Variants in ATXN10 observed in about 807,000 individuals in gnomAD.
The protein encoded by ATXN10 is ataxin 10.
Under a neutral mutation model 52.9 loss-of-function variants are expected in ATXN10, and 28 were observed. The observed-to-expected ratio is 0.53, with a 90% CI of 0.39 to 0.73. ATXN10 has a LOEUF of 0.73. Among genes scored for constraint, ATXN10 ranks in the 30% least tolerant of loss-of-function variants. The pLI, the probability that ATXN10 is intolerant of heterozygous loss-of-function variation, is 0.00. For synonymous variants in ATXN10, 226 were observed against 221.5 expected, an observed-to-expected ratio of 1.02 and a Z score of -0.18; for missense variants, 565 against 577.0, an observed-to-expected ratio of 0.98 and a Z score of 0.21.
At position 45,678,299 on chromosome 22, in the gene ATXN10, A is replaced by G. The variant is rs1393893295; in HGVS notation, c.116+6120A>G. The G allele has an allele frequency of 6.6e-6, 1 of 152,192 alleles. No individual in the cohort carries two copies. Among genetic ancestry groups the G allele is most frequent in the Non-Finnish European group, 1.5e-5 (1 of 68,020 alleles). 9.4% of individuals were successfully genotyped at this position (152,192 alleles called of 1,614,324 possible). A position where few individuals can be genotyped will look rare whatever the true frequency, so the allele number is the denominator to read the frequency against. ...AATGTACCAAAATCCATTTAATTGT[A>G]CGCTTTAAGTGGGTGACTTTAGTGT... On this transcript the variant is annotated intron_variant, in intron 1 of 11. Transcript: ENST00000252934. This position sits in a 1 kb window ranked among gnomAD's most constrained non-coding sequence, Gnocchi z 4.1.
At position 45,787,526 on chromosome 22, in the gene ATXN10, C is replaced by T. The variant is rs780969054; in HGVS notation, c.1174-19433C>T. Among the ~76,000 whole-genome samples the T allele has an allele frequency of 3.3e-5, 5 of 152,118 alleles. No homozygotes were observed. Among genetic ancestry groups the T allele is most frequent in the Admixed American group, 6.5e-5 (1 of 15,272 alleles). Reference sequence around the variant, plus strand: ...CCTGGCATTTGCTTCTTTTGACCTTCGGTACTCAGTAGACTTACTGTATGG... The same window carrying T: ...CCTGGCATTTGCTTCTTTTGACCTTTGGTACTCAGTAGACTTACTGTATGG... On this transcript the variant is annotated intron_variant, in intron 9 of 11. Transcript: ENST00000252934. The surrounding 1 kb of genome is among the most constrained non-coding windows in gnomAD (Gnocchi z 4.2).
In ATXN10 at chr22:45,678,512, ACTC is replaced by A. The variant is rs1427434064; in HGVS notation, c.116+6338_116+6340del. On this transcript the variant is annotated intron_variant, in intron 1 of 11. Transcript: ENST00000252934. The surrounding 1 kb of genome is among the most constrained non-coding windows in gnomAD (Gnocchi z 4.1). Reference sequence around the variant, plus strand: ...TAGAGGGGATGTGTTTAAAATGTGAACTCCTCCCTCACTGCTATTTTTGTTTCA... The same window carrying A: ...TAGAGGGGATGTGTTTAAAATGTGAACTCCCTCACTGCTATTTTTGTTTCA... 6.6e-6 allele frequency: 1 copy of A among 152,002 alleles called. No homozygotes were observed. The highest frequency in any genetic ancestry group is 1.5e-5 in the Non-Finnish European group (1 of 67,988). 9.4% of individuals were successfully genotyped at this position (152,002 alleles called of 1,614,324 possible). A position where few individuals can be genotyped will look rare whatever the true frequency, so the allele number is the denominator to read the frequency against.
At chr22:45,809,660 G>C (rs893462305) in intron 10 of ATXN10, among the ~76,000 whole-genome samples, 1 of 152,088 alleles carries the variant, frequency 6.6e-6, no homozygotes, top group Non-Finnish European at 1.5e-5. Context: ...TGTAAATGAG[G>C]CTTGGCATCT....
chr22:45,714,378 G>A lies in ATXN10; in HGVS notation c.648-4035G>A, dbSNP rs369127637. 7.2e-5 allele frequency among the ~76,000 whole-genome samples: 11 copies of A among 151,882 alleles called. No homozygotes were observed. In the South Asian group the frequency reaches 1.7e-3, roughly 23 times the overall value. ...CTGTTTTTGTATTTTGACTTTGTTC[G>A]TGGTATTTTATTTTTTATTTTTTTG... is the stretch of plus-strand genomic sequence containing the variant. On this transcript the variant is annotated intron_variant, in intron 5 of 11. Coordinates refer to ENST00000252934, the MANE Select transcript of ATXN10 (RefSeq NM_013236.4).
chr22:45,842,948 A>G lies in ATXN10; in HGVS notation c.1238-43A>G, dbSNP rs765754898. 5 of 1,591,468 alleles carry G rather than the reference A, an allele frequency of 3.1e-6. No homozygotes were observed. The South Asian group carries it at 5.5e-5, about 18-fold the overall frequency. ...CTGATAATTCTTATGTGAAGTTATC[A>G]AACAGGAAAGTACGTTGTCACATTC... is the stretch of plus-strand genomic sequence containing the variant. On this transcript the variant is annotated intron_variant, in intron 10 of 11. Coordinates refer to ENST00000252934, the MANE Select transcript of ATXN10 (RefSeq NM_013236.4). The surrounding 1 kb of genome is among the most constrained non-coding windows in gnomAD (Gnocchi z 4.8).
At chr22:45,793,381 CCAT>C (rs1927585974) in intron 9 of ATXN10, 1 of 277,974 alleles carries the variant, frequency 3.6e-6, no homozygotes, top group African/African-American at 2.2e-5. Context: ...TTTCTGCTGT[CCAT>C]CATCCAAATA....
chr22:45,798,623 G>T (rs1927827533), intron 9 of ATXN10, among the ~76,000 whole-genome samples: 1 of 152,186 alleles, frequency 6.6e-6, no homozygotes, highest in South Asian at 2.1e-4. Context: ...AACAAGGCAA[G>T]AATTTCTGCT....
In ATXN10 at chr22:45,825,765, G is replaced by A. The variant is rs567122345; in HGVS notation, c.1238-17226G>A. 2.0e-5 allele frequency among the ~76,000 whole-genome samples: 3 copies of A among 152,290 alleles called. No individual in the cohort carries two copies. The highest frequency in any genetic ancestry group is 2.1e-4 in the South Asian group (1 of 4,830). ...AAGATGCTCAAGGAACTAAAGGAAC[G>A]TGTGGAAAATCAATAAAACAATATA... On this transcript the variant is annotated intron_variant, in intron 10 of 11. Transcript: ENST00000252934. The surrounding 1 kb of genome is among the most constrained non-coding windows in gnomAD (Gnocchi z 4.5).
At chr22:45,836,001 G>A (rs921567917) in intron 10 of ATXN10, among the ~76,000 whole-genome samples, 2 of 152,154 alleles carry the variant, frequency 1.3e-5, no homozygotes, top group African/African-American at 4.8e-5. Flanking sequence ...AACCTTTGAA[G>A]CACAGATGTT....
chr22:45,756,074 G>A (rs981421400), intron 9 of ATXN10, among the ~76,000 whole-genome samples: 2 of 152,132 alleles, frequency 1.3e-5, no homozygotes, highest in African/African-American at 4.8e-5. Flanking sequence ...TGACCACTGG[G>A]CATGCCATTA....
chr22:45,818,599 G>GCAGGGAT lies in ATXN10; in HGVS notation c.1237+11587_1237+11593dup, dbSNP rs1163815895. ...CCACCCTCGCTTTCAGCGGACCGGG[G>GCAGGGAT]CAGGGATCAGGGATCAACAGCCTGG... is the stretch of plus-strand genomic sequence containing the variant. On this transcript the variant is annotated intron_variant, in intron 10 of 11. Coordinates refer to ENST00000252934, the MANE Select transcript of ATXN10 (RefSeq NM_013236.4). This position sits in a 1 kb window ranked among gnomAD's most constrained non-coding sequence, Gnocchi z 4.6. 6.6e-6 allele frequency among the ~76,000 whole-genome samples: 1 copy of GCAGGGAT among 152,058 alleles called. No homozygotes were observed. The highest frequency in any genetic ancestry group is 1.9e-4 in the East Asian group (1 of 5,182).
chr22:45,774,925 G>A lies in ATXN10; in HGVS notation c.1174-32034G>A, dbSNP rs1264911539. Among the ~76,000 whole-genome samples, 1 of 152,162 alleles carries A rather than the reference G, an allele frequency of 6.6e-6. No individual in the cohort carries two copies. Among genetic ancestry groups the A allele is most frequent in the East Asian group, 1.9e-4 (1 of 5,186 alleles). Reference sequence around the variant, plus strand: ...AGTGCACGCCAGCCTGGGTGACAGAGTGAGACTCTGTCTCAAAACAAACAA... The same window carrying A: ...AGTGCACGCCAGCCTGGGTGACAGAATGAGACTCTGTCTCAAAACAAACAA... On this transcript the variant is annotated intron_variant, in intron 9 of 11. Transcript: ENST00000252934. This position sits in a 1 kb window ranked among gnomAD's most constrained non-coding sequence, Gnocchi z 6.2.
rs1927346343 is a variant in ATXN10, at chr22:45,787,102, A to G, written c.1174-19857A>G. Among the ~76,000 whole-genome samples, 1 of 152,236 alleles carries G rather than the reference A, an allele frequency of 6.6e-6. No individual in the cohort carries two copies. Among genetic ancestry groups the G allele is most frequent in the Non-Finnish European group, 1.5e-5 (1 of 68,044 alleles). On this transcript the variant is annotated intron_variant, in intron 9 of 11. Transcript: ENST00000252934. The surrounding 1 kb of genome is among the most constrained non-coding windows in gnomAD (Gnocchi z 4.2). ...CACATTTTCAAATAATTTTTATTGT[A>G]TGGAAAGATCTAAAATACTGTATAT... is the stretch of plus-strand genomic sequence containing the variant.
rs1189367233 is a variant in ATXN10, at chr22:45,818,033, A to G, written c.1237+11011A>G. 6.6e-6 allele frequency among the ~76,000 whole-genome samples: 1 copy of G among 152,236 alleles called. No individual in the cohort carries two copies. The highest frequency in any genetic ancestry group is 1.9e-4 in the East Asian group (1 of 5,192). ...TGCTGGAATGCATAAGCTTTCAGAA[A>G]AGAGACTTCCTTTCCTCGCTCAGGT... is the stretch of plus-strand genomic sequence containing the variant. On this transcript the variant is annotated intron_variant, in intron 10 of 11. Coordinates refer to ENST00000252934, the MANE Select transcript of ATXN10 (RefSeq NM_013236.4). This position sits in a 1 kb window ranked among gnomAD's most constrained non-coding sequence, Gnocchi z 4.6.
At position 45,778,233 on chromosome 22, in the gene ATXN10, T is replaced by A. The variant is rs565127627; in HGVS notation, c.1174-28726T>A. On this transcript the variant is annotated intron_variant, in intron 9 of 11. Coordinates refer to ENST00000252934, the MANE Select transcript of ATXN10 (RefSeq NM_013236.4). ...TTGATCATGTTCTGTAACCTCTTTG[T>A]ACCTTAATTTTTCCCCTATTAATGT... Among the ~76,000 whole-genome samples, 168 of 152,358 alleles carry A rather than the reference T, an allele frequency of 1.1e-3. 1 individual carries two copies. The Middle Eastern group carries it at 0.014, about 12-fold the overall frequency.
At position 45,770,577 on chromosome 22, in the gene ATXN10, C is replaced by A. The variant is rs914738415; in HGVS notation, c.1173+30039C>A. On this transcript the variant is annotated intron_variant, in intron 9 of 11. Coordinates refer to ENST00000252934, the MANE Select transcript of ATXN10 (RefSeq NM_013236.4). The surrounding 1 kb of genome is among the most constrained non-coding windows in gnomAD (Gnocchi z 4.5). ...GCTGGATGATAGGCAGACCTGGACT[C>A]TGGAGTCCTCCCAGAATGGACCAGA... Among the ~76,000 whole-genome samples, 1 of 150,208 alleles carries A rather than the reference C, an allele frequency of 6.7e-6. No individual in the cohort carries two copies. The highest frequency in any genetic ancestry group is 1.5e-5 in the Non-Finnish European group (1 of 66,752).
rs1926740067 is a variant in ATXN10, at chr22:45,770,505, A to C, written c.1173+29967A>C. Among the ~76,000 whole-genome samples the C allele has an allele frequency of 6.6e-6, 1 of 152,234 alleles. No individual in the cohort carries two copies. Among genetic ancestry groups the C allele is most frequent in the Admixed American group, 6.5e-5 (1 of 15,288 alleles). On this transcript the variant is annotated intron_variant, in intron 9 of 11. Transcript: ENST00000252934. The surrounding 1 kb of genome is among the most constrained non-coding windows in gnomAD (Gnocchi z 4.5). The stretch of plus-strand genomic sequence containing the variant: ...CAATGCATATGTGTTTCTTACGATC[A>C]GATAAATTCAAAGAAAGTTTAACAT...
Position 45,708,664 on chromosome 22 carries a change from G to C in ATXN10, c.647+5817G>C, listed in dbSNP as rs1356691501. The stretch of plus-strand genomic sequence containing the variant: ...GTGTAAACTTTTTCTTTTTGAGACA[G>C]AGTCTCACTCTGTTGCCCAGGCTGG... On this transcript the variant is annotated intron_variant, in intron 5 of 11. Transcript: ENST00000252934. This position sits in a 1 kb window ranked among gnomAD's most constrained non-coding sequence, Gnocchi z 5.3. 6.6e-6 allele frequency among the ~76,000 whole-genome samples: 1 copy of C among 152,174 alleles called. No individual in the cohort carries two copies. The highest frequency in any genetic ancestry group is 2.1e-4 in the South Asian group (1 of 4,830).
chr22:45,839,190 A>C (rs533109387), intron 10 of ATXN10, among the ~76,000 whole-genome samples: 4 of 152,254 alleles, frequency 2.6e-5, no homozygotes, highest in Non-Finnish European at 5.9e-5. Flanking sequence ...AGTTGACTCC[A>C]GAGTGGTCTT....
Sources: allele counts gnomAD v4.1 joint callset (sites outside exome capture counted in the v4.1 genomes callset), GRCh38; gene constraint gnomAD v4.1.1; non-coding constraint Gnocchi (gnomAD v3.1); transcripts MANE v1.5; gene names NCBI Gene and HGNC (gene_info 2026-07-23, HGNC 2026-07-21).